IGFL2: variants seen among roughly 807,000 people sequenced by gnomAD.
IGFL2 encodes IGF like family member 2, also known as insulin growth factor-like family member 2.
Under a neutral mutation model 13.9 loss-of-function variants are expected in IGFL2, and 7 were observed. The observed-to-expected ratio is 0.51, with a 90% CI of 0.29 to 0.95. The LOEUF is 0.95. Among genes scored for constraint, IGFL2 ranks in the 40% least tolerant of loss-of-function variants. The pLI, the probability that IGFL2 is intolerant of heterozygous loss-of-function variation, is 0.08. For missense variants in IGFL2, 138 were observed against 147.8 expected (o/e 0.93, Z 0.34); for synonymous variants, 55 against 55.8 (o/e 0.99, Z 0.07).
chr19:46,089,160 T>A, the IGFL2 span, among the ~76,000 whole-genome samples: 1 of 152,182 alleles, frequency 6.6e-6, no homozygotes, highest in Non-Finnish European at 1.5e-5. Flanking sequence ...AGGTTTTTGG[T>A]TTGTAGTTAC....
the IGFL2 span, among the ~76,000 whole-genome samples, chr19:46,128,117 G>A: frequency 1.3e-5 from 2 of 152,000 alleles, no homozygotes; most frequent in Non-Finnish European, 2.9e-5. Context: ...TCCTGATTTG[G>A]CTTTACTGTT....
the IGFL2 span, among the ~76,000 whole-genome samples, chr19:46,088,727 C>T: frequency 3.9e-5 from 6 of 152,172 alleles, no homozygotes; most frequent in East Asian, 5.8e-4. Context: ...TGAGAAGAGG[C>T]GATGAGAATA....
At chr19:46,151,687 A>G (rs1600907986) in intron 1 of IGFL2, among the ~76,000 whole-genome samples, 2 of 152,288 alleles carry the variant, frequency 1.3e-5, no homozygotes, top group East Asian at 3.9e-4. Flanking sequence ...AGGAAGGTGG[A>G]TGGCTTGATC....
At chr19:46,096,110 C>T in the IGFL2 span, among the ~76,000 whole-genome samples, 5 of 152,016 alleles carry the variant, frequency 3.3e-5, no homozygotes, top group South Asian at 4.1e-4. Flanking sequence ...TTACTTTGGG[C>T]AGTATGGCCA....
the IGFL2 span, among the ~76,000 whole-genome samples, chr19:46,117,851 T>C: frequency 6.2e-4 from 94 of 152,298 alleles, no homozygotes; most frequent in African/African-American, 1.9e-3. Flanking sequence ...CACTTCTTCC[T>C]GCAGGAACCA....
the IGFL2 span, chr19:46,123,886 C>T: frequency 3.1e-6 from 5 of 1,608,374 alleles, no homozygotes; most frequent in Non-Finnish European, 4.2e-6. Context: ...GGACCTTTAC[C>T]TGGTACAGCT....
At chr19:46,209,610 A>C in the IGFL2 span, 1 of 152,244 alleles carries the variant, frequency 6.6e-6, no homozygotes, top group Non-Finnish European at 1.5e-5. Context: ...TGGGTTACAC[A>C]CAGTCACACA....
the IGFL2 span, chr19:46,204,920 G>A: frequency 6.6e-6 from 1 of 151,986 alleles, no homozygotes; most frequent in South Asian, 2.1e-4. Flanking sequence ...TGGGATTACA[G>A]GTACCTGCCA....
chr19:46,105,105 C>T, the IGFL2 span, among the ~76,000 whole-genome samples: 1 of 152,174 alleles, frequency 6.6e-6, no homozygotes, highest in Non-Finnish European at 1.5e-5. Flanking sequence ...CAGTGAATGA[C>T]TCCAGCTTCC....
chr19:46,211,921 A>G, the IGFL2 span, among the ~76,000 whole-genome samples: 418 of 152,230 alleles, frequency 2.7e-3, 1 homozygote, highest in African/African-American at 9.4e-3. Context: ...TCTATTGTAC[A>G]ATAGTATAAT....
At chr19:46,180,149 A>G in the IGFL2 span, among the ~76,000 whole-genome samples, 600 of 151,436 alleles carry the variant, frequency 4.0e-3, 3 homozygotes, top group African/African-American at 0.012. Flanking sequence ...CACCTGCTTT[A>G]CTGAGGCACT....
the IGFL2 span, among the ~76,000 whole-genome samples, chr19:46,079,161 C>T: frequency 2.6e-5 from 4 of 152,264 alleles, no homozygotes; most frequent in South Asian, 6.2e-4. Flanking sequence ...ATGGGTGAGG[C>T]GGCTTTGGCC....
chr19:46,170,134 T>C, the IGFL2 span, among the ~76,000 whole-genome samples: 1 of 151,876 alleles, frequency 6.6e-6, no homozygotes, highest in African/African-American at 2.4e-5. Context: ...AAATGACATG[T>C]CCAGGGTAGC....
the IGFL2 span, among the ~76,000 whole-genome samples, chr19:46,131,795 C>T: frequency 2.6e-5 from 4 of 151,972 alleles, no homozygotes; most frequent in East Asian, 1.9e-4. Flanking sequence ...AAAAGTTAGC[C>T]GGGCATGGTG....
chr19:46,080,667 T>A, the IGFL2 span, among the ~76,000 whole-genome samples: 1 of 152,220 alleles, frequency 6.6e-6, no homozygotes, highest in South Asian at 2.1e-4. Context: ...GTGGTGTCAG[T>A]GTTGAGATGT....
the IGFL2 span, among the ~76,000 whole-genome samples, chr19:46,201,625 C>G: frequency 3.3e-5 from 5 of 152,240 alleles, no homozygotes; most frequent in South Asian, 1.0e-3. Flanking sequence ...TCTGCTGTGT[C>G]CTCTGCAGCA....
At chr19:46,128,196 A>C in the IGFL2 span, among the ~76,000 whole-genome samples, 2 of 152,062 alleles carry the variant, frequency 1.3e-5, no homozygotes, top group Non-Finnish European at 2.9e-5. Context: ...CATTGATTTT[A>C]TATCCTGCAA....
At chr19:46,088,577 T>C in the IGFL2 span, among the ~76,000 whole-genome samples, 1 of 152,268 alleles carries the variant, frequency 6.6e-6, no homozygotes, top group South Asian at 2.1e-4. Context: ...CAGCTTCTTG[T>C]CATTGATTTA....
At chr19:46,175,271 T>A in the IGFL2 span, among the ~76,000 whole-genome samples, 4 of 152,184 alleles carry the variant, frequency 2.6e-5, no homozygotes, top group Non-Finnish European at 5.9e-5. Context: ...TATTTCAAAC[T>A]TACAGATAAT....
Sources: allele counts gnomAD v4.1 joint callset (sites outside exome capture counted in the v4.1 genomes callset), GRCh38; gene constraint gnomAD v4.1.1; transcripts MANE v1.5; gene names NCBI Gene and HGNC (gene_info 2026-07-23, HGNC 2026-07-21).